The following STK3 variants were observed in gnomAD, a reference collection of about 807,000 sequenced individuals.
The protein encoded by STK3 is serine/threonine kinase 3.
In STK3, 41 loss-of-function variants were observed where a neutral mutation model predicts 58.0. The ratio of observed to expected loss-of-function variants is 0.71; its 90% CI spans 0.55 to 0.92. STK3 has a LOEUF of 0.92. STK3 is among the 40% of genes least tolerant of loss of function. The pLI, the probability that STK3 is intolerant of heterozygous loss-of-function variation, is 0.00. For synonymous variants in STK3, 170 were observed against 191.0 expected, an observed-to-expected ratio of 0.89 and a Z score of 0.91; for missense variants, 479 against 602.7, an observed-to-expected ratio of 0.79 and a Z score of 2.15.
intron 1 of STK3, among the ~76,000 whole-genome samples, chr8:98,928,282 C>A (rs1206049786): frequency 6.6e-6 from 1 of 152,190 alleles, no homozygotes; most frequent in Non-Finnish European, 1.5e-5. Flanking sequence ...CAATGCAAGG[C>A]TATCACCTCA....
rs559440833 is a variant in STK3 at position 98,627,445 on chromosome 8, C to G, written c.685-31276G>C. 1.2e-3 allele frequency among the ~76,000 whole-genome samples: 172 copies of G among 141,802 alleles called. 1 individual carries two copies. Among genetic ancestry groups the G allele is most frequent in the Non-Finnish European group, 1.5e-4 (10 of 66,646 alleles). The allele number at this position is 141,802 out of a possible 152,430, so 93.0% of individuals were successfully genotyped here. A position where few individuals can be genotyped will look rare whatever the true frequency, so the allele number is the denominator to read the frequency against. On this transcript the variant is annotated intron_variant, in intron 6 of 10. Coordinates refer to ENST00000419617, the MANE Select transcript of STK3 (RefSeq NM_006281.4). ...AGGAAAATCGCTTGAACCCAGGAGG[C>G]AGAGGTTGCAGTGAGCCGAGATCGT...
intron 1 of STK3, among the ~76,000 whole-genome samples, chr8:98,932,483 C>T (rs1462757818): frequency 1.3e-5 from 2 of 152,068 alleles, no homozygotes; most frequent in South Asian, 2.1e-4. Flanking sequence ...GATAAACACT[C>T]GACTTTCAAA....
chr8:98,655,677 A>G (rs1379191741), intron 6 of STK3, among the ~76,000 whole-genome samples: 2 of 151,926 alleles, frequency 1.3e-5, no homozygotes, highest in African/African-American at 4.8e-5. Context: ...TGGGCGAAGG[A>G]CATGAACAGA....
At chr8:98,550,148 C>G (rs536841978) in intron 8 of STK3, among the ~76,000 whole-genome samples, 1 of 151,640 alleles carries the variant, frequency 6.6e-6, no homozygotes, top group East Asian at 1.9e-4. Context: ...AATCTGAGAA[C>G]ATCAATGTTG....
In STK3 at chr8:98,594,335, C is replaced by T. The variant is rs750371836; in HGVS notation, c.822+1697G>A. 5.9e-5 allele frequency among the ~76,000 whole-genome samples: 9 copies of T among 151,978 alleles called. 1 individual carries two copies. Among genetic ancestry groups the T allele is most frequent in the Non-Finnish European group, 1.0e-4 (7 of 67,986 alleles). On this transcript the variant is annotated intron_variant, in intron 7 of 10. Transcript: ENST00000419617. ...AATACATGGGCCGGGCACGGTGGCT[C>T]ATGTCTGTAATCCCAGCACTTTGGG...
At chr8:98,650,403 C>T (rs1052106690) in intron 6 of STK3, among the ~76,000 whole-genome samples, 2 of 152,244 alleles carry the variant, frequency 1.3e-5, no homozygotes, top group African/African-American at 4.8e-5. Flanking sequence ...CAGCTCTCAG[C>T]GTGAGCGACA....
At chr8:98,367,595 C>T (rs958439766), downstream of STK3, among the ~76,000 whole-genome samples, 1 of 152,252 alleles carries the variant, frequency 6.6e-6, no homozygotes, top group Admixed American at 6.5e-5. Flanking sequence ...TTCACATCTC[C>T]AGGTACCTGG....
chr8:98,458,313 T>C (rs1319987587), intron 10 of STK3, among the ~76,000 whole-genome samples: 1 of 152,198 alleles, frequency 6.6e-6, no homozygotes, highest in Non-Finnish European at 1.5e-5. Flanking sequence ...TCCATGAGCA[T>C]GGGATGTATT....
intron 2 of STK3, among the ~76,000 whole-genome samples, chr8:98,774,359 T>A (rs780422870): frequency 1.3e-5 from 2 of 152,206 alleles, no homozygotes; most frequent in African/African-American, 4.8e-5. Context: ...AGACAAAGAC[T>A]ACTTACCTTT....
At chr8:98,531,579 C>T (rs1796736975) in intron 9 of STK3, among the ~76,000 whole-genome samples, 1 of 152,204 alleles carries the variant, frequency 6.6e-6, no homozygotes, top group South Asian at 2.1e-4. Context: ...TGAACATTGG[C>T]TTCAACTTAG....
At chr8:98,765,083 A>T (rs1165028116) in intron 3 of STK3, among the ~76,000 whole-genome samples, 1 of 152,224 alleles carries the variant, frequency 6.6e-6, no homozygotes, top group Non-Finnish European at 1.5e-5. Flanking sequence ...TAATAGTAAT[A>T]TTTGAGACCC....
chr8:98,680,754 C>G (rs1006744951), intron 6 of STK3, among the ~76,000 whole-genome samples: 2 of 152,016 alleles, frequency 1.3e-5, no homozygotes, highest in African/African-American at 4.8e-5. Context: ...AACATTTTAT[C>G]CAAAACTACA....
At chr8:98,912,558 G>A (rs1302289434) in intron 1 of STK3, among the ~76,000 whole-genome samples, 5 of 152,244 alleles carry the variant, frequency 3.3e-5, no homozygotes, top group African/African-American at 1.2e-4. Flanking sequence ...GGGATGGAAC[G>A]TGCCCCACTA....
chr8:98,814,517 T>C lies in STK3; in HGVS notation c.26+10998A>G, dbSNP rs370332790. On this transcript the variant is annotated intron_variant, in intron 1 of 10. Transcript: ENST00000419617. ...CCACCACGCCCAGCTAATTTTTTGT[T>C]TGTTGTAGAGACAGGGTCTCACCAG... Among the ~76,000 whole-genome samples the C allele has an allele frequency of 2.6e-5, 4 of 152,010 alleles. No individual in the cohort carries two copies. In the East Asian group the frequency reaches 5.8e-4, roughly 22 times the overall value.
At chr8:98,910,004 A>AT (rs1839067567) in intron 1 of STK3, among the ~76,000 whole-genome samples, 1 of 152,192 alleles carries the variant, frequency 6.6e-6, no homozygotes, top group Admixed American at 6.5e-5. Flanking sequence ...CCTCACCAAT[A>AT]TTCATGGTTA....
intron 3 of STK3, among the ~76,000 whole-genome samples, chr8:98,407,835 C>T (rs1213090850): frequency 1.3e-5 from 2 of 152,118 alleles, no homozygotes; most frequent in African/African-American, 4.8e-5. Context: ...TTTATGCTGT[C>T]ACATCTCAGC....
At chr8:98,347,121 A>G in the STK3 span, among the ~76,000 whole-genome samples, 8 of 152,054 alleles carry the variant, frequency 5.3e-5, no homozygotes, top group South Asian at 2.1e-4. Flanking sequence ...GTAAAATGTT[A>G]GAGATGTATA....
At chr8:98,881,734 G>A (rs926969433), downstream of STK3, 1 of 152,072 alleles carries the variant, frequency 6.6e-6, no homozygotes, top group Non-Finnish European at 1.5e-5. Context: ...CTGTAATTTT[G>A]TTTAAATATA....
chr8:98,399,579 C>G (rs1817924310), downstream of STK3, among the ~76,000 whole-genome samples: 1 of 152,198 alleles, frequency 6.6e-6, no homozygotes, highest in African/African-American at 2.4e-5. Context: ...GACTGGCAAA[C>G]AAAGCTTTTC....
Sources: gnomAD v4.1 joint callset for allele counts (sites outside exome capture counted in the v4.1 genomes callset) on GRCh38, gnomAD v4.1.1 for gene constraint, MANE v1.5 for transcripts, NCBI Gene and HGNC (gene_info 2026-07-23, HGNC 2026-07-21) for gene names.